Variants in OTOGL observed in about 807,000 individuals in gnomAD.
The protein encoded by OTOGL is otogelin-like protein.
OTOGL carries 285 observed loss-of-function variants against 318.5 expected under a neutral mutation model. That is an observed-to-expected ratio of 0.89 (90% CI 0.81 to 0.99). The LOEUF is 0.99. OTOGL is among the 50% of genes least tolerant of loss of function. OTOGL has a pLI of 0.00. For synonymous variants in OTOGL, 987 were observed against 936.5 expected, an observed-to-expected ratio of 1.05 and a Z score of -0.99; for missense variants, 2,899 against 2,845.6, an observed-to-expected ratio of 1.02 and a Z score of -0.43.
At chr12:80,178,061 C>CTTTTTTTTTTTTTTTTTTTT (rs71094968) in intron 1 of OTOGL, among the ~76,000 whole-genome samples, 19 of 74,946 alleles carry the variant, frequency 2.5e-4, no homozygotes, top group Non-Finnish European at 3.6e-4. Context: ...TTCTTTCTTT[C>CTTTTTTTTTTTTTTTTTTTT]TTTTTTTTTT....
chr12:80,334,825 T>A (rs1156618056), intron 38 of OTOGL, among the ~76,000 whole-genome samples: 2 of 152,074 alleles, frequency 1.3e-5, no homozygotes, highest in African/African-American at 4.8e-5. Flanking sequence ...ATCCTCTGGG[T>A]GGTTCAGATG....
intron 22 of OTOGL, 80 bp downstream of exon 22, chr12:80,267,407 A>ATAT (rs372918448): frequency 1.9e-4 from 122 of 626,868 alleles, no homozygotes; most frequent in Middle Eastern, 1.2e-3. Context: ...ATATATATAT[A>ATAT]TTTTTTTATT....
chr12:80,302,618 C>CT lies in OTOGL; in HGVS notation c.3064-10dup, dbSNP rs1345408641. ...ACTTACTACTCACTTTGTTTATTTTCTTTTTTGTTTTTAAGAAACAATCAG... is the reference window on the plus strand; with the variant it reads ...ACTTACTACTCACTTTGTTTATTTTCTTTTTTTGTTTTTAAGAAACAATCAG... On this transcript the variant is annotated splice_polypyrimidine_tract_variant and intron_variant, in intron 27 of 58. Transcript: ENST00000547103. 5 of 1,321,968 alleles carry CT rather than the reference C, an allele frequency of 3.8e-6. No homozygotes were observed. Among genetic ancestry groups the CT allele is most frequent in the Middle Eastern group, 2.7e-4 (1 of 3,674 alleles). 81.9% of individuals were successfully genotyped at this position (1,321,968 alleles called of 1,614,324 possible).
At chr12:80,219,045 C>CAAAA (rs1438704933) in intron 5 of OTOGL, among the ~76,000 whole-genome samples, 1 of 152,094 alleles carries the variant, frequency 6.6e-6, no homozygotes, top group Admixed American at 6.5e-5. Context: ...TCATTCTCTT[C>CAAAA]AAAAGCAGGA....
In OTOGL at chr12:80,219,918, T is replaced by A. The variant is rs773323340; in HGVS notation, c.334+6T>A. On this transcript the variant is annotated splice_donor_region_variant and intron_variant, in intron 6 of 58. Transcript: ENST00000547103. ...TGGGACAAGATGCCAGATCAGTAAG[T>A]TTCAGGGATGCTTGTGAGATAATTA... The A allele has an allele frequency of 6.5e-7, 1 of 1,533,696 alleles. No homozygotes were observed. The highest frequency in any genetic ancestry group is 8.9e-7 in the Non-Finnish European group (1 of 1,123,710).
chr12:80,343,495 T>TG (rs1592732241), intron 44 of OTOGL: 1 of 145,802 alleles, frequency 6.9e-6, no homozygotes, highest in East Asian at 2.0e-4. Flanking sequence ...ACATTTTTAT[T>TG]ATTTTTTATT....
chr12:80,167,681 C>T (rs1188330016), intron 1 of OTOGL, among the ~76,000 whole-genome samples: 2 of 151,988 alleles, frequency 1.3e-5, no homozygotes, highest in African/African-American at 4.8e-5. Flanking sequence ...TCACTTGTCT[C>T]TAGTTAAGCT....
At chr12:80,254,884 A>G (rs1442485372) in intron 15 of OTOGL, among the ~76,000 whole-genome samples, 156 bp from the exon 16 acceptor site, 1 of 152,056 alleles carries the variant, frequency 6.6e-6, no homozygotes, top group African/African-American at 2.4e-5. Context: ...TAAATTTTAA[A>G]TACAACACAG....
chr12:80,154,342 T>A (rs1261390959), intron 1 of OTOGL, among the ~76,000 whole-genome samples: 2 of 152,120 alleles, frequency 1.3e-5, no homozygotes, highest in Non-Finnish European at 2.9e-5. Context: ...GGACTATTTC[T>A]TGTAAATGCC....
chr12:80,206,586 G>A (rs1410633336), intron 1 of OTOGL, among the ~76,000 whole-genome samples: 8 of 151,854 alleles, frequency 5.3e-5, no homozygotes, highest in Non-Finnish European at 8.8e-5. Flanking sequence ...CTCAGTTCAC[G>A]GCAACCTTGA....
At chr12:80,140,557 T>A (rs933176903) in intron 1 of OTOGL, among the ~76,000 whole-genome samples, 3 of 152,194 alleles carry the variant, frequency 2.0e-5, no homozygotes, top group African/African-American at 7.2e-5. Context: ...TTAGAGTAAC[T>A]GGGTTAATGT....
chr12:80,149,477 C>A (rs1252682826), intron 1 of OTOGL, among the ~76,000 whole-genome samples: 1 of 152,172 alleles, frequency 6.6e-6, no homozygotes, highest in Non-Finnish European at 1.5e-5. Context: ...TCAAAGCTGT[C>A]AGACAGGGAC....
chr12:80,314,362 A>G (rs1489446234), intron 32 of OTOGL, 31 bp downstream of exon 32: 3 of 920,106 alleles, frequency 3.3e-6, no homozygotes, highest in East Asian at 3.4e-5. Context: ...AAATATCACT[A>G]TAGTATTCTA....
intron 28 of OTOGL, 109 bp downstream of exon 28, chr12:80,302,892 A>G: frequency 2.0e-6 from 2 of 1,023,960 alleles, no homozygotes; most frequent in Non-Finnish European, 2.6e-6. Context: ...ACTAGGTTAT[A>G]TTTCCAGAAT....
chr12:80,294,962 C>T (rs1284658226), intron 26 of OTOGL, among the ~76,000 whole-genome samples: 1 of 151,940 alleles, frequency 6.6e-6, no homozygotes, highest in Non-Finnish European at 1.5e-5. Context: ...TGGTGGCACA[C>T]AGCTGTAGTC....
rs1328707493 is a variant in OTOGL at position 80,278,337 on chromosome 12, TTTTA to T, written c.2789+71_2789+74del. 1.2e-5 allele frequency: 15 copies of T among 1,288,826 alleles called. No homozygotes were observed. In the African/African-American group the frequency reaches 1.9e-4, roughly 17 times the overall value. The allele number at this position is 1,288,826 out of a possible 1,614,324, so 79.8% of individuals were successfully genotyped here. A position where few individuals can be genotyped will look rare whatever the true frequency, so the allele number is the denominator to read the frequency against. ...AGTAATTGTGTAAATTTCAATCATC[TTTTA>T]TTTATTTAATGAGACTGACATCAGC... is the stretch of plus-strand genomic sequence containing the variant. On this transcript the variant is annotated intron_variant, in intron 25 of 58. Transcript: ENST00000547103.
At chr12:80,116,494 T>G (rs1870176634) in intron 1 of OTOGL, among the ~76,000 whole-genome samples, 1 of 152,256 alleles carries the variant, frequency 6.6e-6, no homozygotes, top group South Asian at 2.1e-4. Context: ...TGTTCCTATT[T>G]AGCCATCTTG....
rs1296013160 is a variant in OTOGL at position 80,310,663 on chromosome 12, T to G, written c.3386T>G (p.Phe1129Cys). 2 of 1,597,378 alleles carry G rather than the reference T, an allele frequency of 1.3e-6. No individual in the cohort carries two copies. Among genetic ancestry groups the G allele is most frequent in the Non-Finnish European group, 1.7e-6 (2 of 1,177,988 alleles). The change falls in exon 30 of 59, where the codon TTT (phenylalanine) becomes TGT (cysteine). Residue 1129 changes from phenylalanine to cysteine, a missense_variant. Physicochemically the swap from Phe to Cys is radical, Grantham distance 205. This residue lies in a region of OTOGL where 2,607 missense variants were observed against 2,524.9 expected (regional missense o/e 1.03). Coordinates refer to ENST00000547103, the MANE Select transcript of OTOGL (RefSeq NM_001378609.3). ...CCCTGTGAGGCACATCAAAACAAAT[T>G]TCCTTATGCCAAGAAAGAATGCTCC... ...IKPCEAHQNK[F>C]PYAKKECSIL...
rs1891367279 is a variant in OTOGL at position 80,379,816 on chromosome 12, A to G, written c.*1768A>G. ...TAAACATTCAACAAATACAGCAAATAAGCATTTAGGGCCTACATGTGCCAG... is the reference window on the plus strand; with the variant it reads ...TAAACATTCAACAAATACAGCAAATGAGCATTTAGGGCCTACATGTGCCAG... On this transcript the variant is annotated 3_prime_UTR_variant, in exon 59 of 59. Transcript: ENST00000547103. 1 of 151,984 alleles carries G rather than the reference A, an allele frequency of 6.6e-6. No homozygotes were observed. The highest frequency in any genetic ancestry group is 1.5e-5 in the Non-Finnish European group (1 of 67,886). 9.4% of individuals were successfully genotyped at this position (151,984 alleles called of 1,614,324 possible).
Sources: gnomAD v4.1 joint callset for allele counts (sites outside exome capture counted in the v4.1 genomes callset) on GRCh38, gnomAD v4.1.1 for gene constraint, gnomAD v4.1.1 regional missense constraint, MANE v1.5 for transcripts, NCBI Gene and HGNC (gene_info 2026-07-23, HGNC 2026-07-21) for gene names.